Variants in SERPINB5 observed in about 807,000 individuals in gnomAD.
SERPINB5 encodes serpin family B member 5, also known as serpin B5.
SERPINB5 carries 27 observed loss-of-function variants against 32.2 expected under a neutral mutation model. The observed-to-expected ratio is 0.84, with a 90% CI of 0.62 to 1.16. SERPINB5 has a LOEUF of 1.16. Among genes scored for constraint, SERPINB5 ranks in the 50% most tolerant of loss-of-function variants. The probability of loss-of-function intolerance (pLI) is 0.00; values close to 1 mark genes in which losing one functional copy is unlikely to be tolerated. For missense variants in SERPINB5, 388 were observed against 436.3 expected, an observed-to-expected ratio of 0.89 and a Z score of 0.99; for synonymous variants, 154 against 157.4, an observed-to-expected ratio of 0.98 and a Z score of 0.16.
chr18:63,477,693 T>C (rs1917057079), intron 1 of SERPINB5, among the ~76,000 whole-genome samples: 1 of 152,250 alleles, frequency 6.6e-6, no homozygotes, highest in Non-Finnish European at 1.5e-5. Context: ...CTTGGACTTA[T>C]AAATTGTAAT....
At position 63,503,331 on chromosome 18, in the gene SERPINB5, T is replaced by C. The variant is rs894178598; in HGVS notation, c.737T>C (p.Ile246Thr). Residue 246 changes from isoleucine (I) to threonine (T), a missense_variant and splice_region_variant, in exon 7 of 7, where the codon ATT becomes ACT. Physicochemically the swap from Ile to Thr is moderately conservative, Grantham distance 89 (BLOSUM62 -1). Transcript: ENST00000382771. ...VEDESTGLEK[I>T]EKQLNSESLS... ...TTTCTTTTCATTTTTGTCCTTCAGATTGAAAAACAACTCAACTCAGAGTCA... is the reference window on the plus strand; with the variant it reads ...TTTCTTTTCATTTTTGTCCTTCAGACTGAAAAACAACTCAACTCAGAGTCA... 1.2e-6 allele frequency: 2 copies of C among 1,605,374 alleles called. No homozygotes were observed. The highest frequency in any genetic ancestry group is 8.5e-7 in the Non-Finnish European group (1 of 1,178,172).
chr18:63,504,027 G>A lies in SERPINB5; in HGVS notation c.*305G>A, dbSNP rs1909630006. 1.3e-5 allele frequency: 4 copies of A among 312,744 alleles called. No homozygotes were observed. The highest frequency in any genetic ancestry group is 5.8e-6 in the Non-Finnish European group (1 of 171,138). The allele number at this position is 312,744 out of a possible 1,614,324, so 19.4% of individuals were successfully genotyped here. On this transcript the variant is annotated 3_prime_UTR_variant, in exon 7 of 7. Coordinates refer to ENST00000382771, the MANE Select transcript of SERPINB5 (RefSeq NM_002639.5). ...GTCCGGGGTAGTTGGCAGAAATACA[G>A]TCTTCCACAAAGAAAATTCCTATAA...
rs1352082231 is a variant in SERPINB5 at position 63,498,854 on chromosome 18, T to C, written c.568-266T>C. On this transcript the variant is annotated intron_variant, in intron 5 of 6. Transcript: ENST00000382771. This position sits in a 1 kb window ranked among gnomAD's most constrained non-coding sequence, Gnocchi z 4.2. Reference sequence around the variant, plus strand: ...GGTATATATATATAGTATGTATATATAAGTGTGTATATATAGGTGTGTGTA... The same window carrying C: ...GGTATATATATATAGTATGTATATACAAGTGTGTATATATAGGTGTGTGTA... Among the ~76,000 whole-genome samples, 1 of 100,832 alleles carries C rather than the reference T, an allele frequency of 9.9e-6. No homozygotes were observed. The highest frequency in any genetic ancestry group is 2.5e-5 in the Non-Finnish European group (1 of 40,304). 66.1% of individuals were successfully genotyped at this position (100,832 alleles called of 152,430 possible). A position where few individuals can be genotyped will look rare whatever the true frequency, so the allele number is the denominator to read the frequency against.
chr18:63,503,844 C>T lies in SERPINB5; in HGVS notation c.*122C>T, dbSNP rs531499518. 49 of 1,007,960 alleles carry T rather than the reference C, an allele frequency of 4.9e-5. No homozygotes were observed. Among genetic ancestry groups the T allele is most frequent in the South Asian group, 3.0e-4 (20 of 66,374 alleles). 62.4% of individuals were successfully genotyped at this position (1,007,960 alleles called of 1,614,324 possible). On this transcript the variant is annotated 3_prime_UTR_variant, in exon 7 of 7. Coordinates refer to ENST00000382771, the MANE Select transcript of SERPINB5 (RefSeq NM_002639.5). ...TGCTAATGTTGCTGGATCAGGAAGC[C>T]GCCAGTACTTGTCATATGTAGCCTT...
chr18:63,480,013 G>A (rs1917100956), intron 1 of SERPINB5, among the ~76,000 whole-genome samples: 1 of 152,176 alleles, frequency 6.6e-6, no homozygotes, highest in Admixed American at 6.5e-5. Context: ...AGGTGTGGCG[G>A]GGAAGTGCCA....
intron 5 of SERPINB5, chr18:63,497,533 A>G (rs1909477898): frequency 4.6e-6 from 2 of 431,274 alleles, no homozygotes; most frequent in South Asian, 5.5e-5. Context: ...CATACAGTGG[A>G]GCTCAAAGGG....
At chr18:63,501,350 G>A (rs1411069262) in intron 6 of SERPINB5, among the ~76,000 whole-genome samples, 2 of 151,928 alleles carry the variant, frequency 1.3e-5, no homozygotes, top group African/African-American at 2.4e-5. Flanking sequence ...AGCTTCATCC[G>A]TGTCCCTACA....
chr18:63,498,234 C>T lies in SERPINB5; in HGVS notation c.568-886C>T, dbSNP rs933739196. ...TTTCCCAAGAAGCTGAGATTACAGG[C>T]GTGTGCCACCATGCCTGGCTGACTT... On this transcript the variant is annotated intron_variant, in intron 5 of 6. Transcript: ENST00000382771. This position sits in a 1 kb window ranked among gnomAD's most constrained non-coding sequence, Gnocchi z 4.2. 3.9e-5 allele frequency among the ~76,000 whole-genome samples: 6 copies of T among 152,102 alleles called. No homozygotes were observed. Among genetic ancestry groups the T allele is most frequent in the Non-Finnish European group, 7.3e-5 (5 of 68,030 alleles).
Position 63,498,981 on chromosome 18 carries a change from A to G in SERPINB5, c.568-139A>G, listed in dbSNP as rs969704011. On this transcript the variant is annotated intron_variant, in intron 5 of 6. Transcript: ENST00000382771. The surrounding 1 kb of genome is among the most constrained non-coding windows in gnomAD (Gnocchi z 4.2). Reference sequence around the variant, plus strand: ...TATCTGTATATATATAGGTGTAGGTATATATGTATGTGTGTCTGTATATAT... The same window carrying G: ...TATCTGTATATATATAGGTGTAGGTGTATATGTATGTGTGTCTGTATATAT... 64 of 365,328 alleles carry G rather than the reference A, an allele frequency of 1.8e-4. No homozygotes were observed. The highest frequency in any genetic ancestry group is 1.3e-3 in the African/African-American group (63 of 47,702). 22.6% of individuals were successfully genotyped at this position (365,328 alleles called of 1,614,324 possible).
intron 5 of SERPINB5, among the ~76,000 whole-genome samples, chr18:63,494,605 T>C (rs1303738684): frequency 6.6e-6 from 1 of 152,166 alleles, no homozygotes; most frequent in Admixed American, 6.6e-5. Context: ...CAATATCTTG[T>C]TTTTGCCAAA....
intron 5 of SERPINB5, among the ~76,000 whole-genome samples, chr18:63,496,489 C>T (rs543922973): frequency 6.6e-6 from 1 of 152,198 alleles, no homozygotes; most frequent in South Asian, 2.1e-4. Context: ...TGACTGTATT[C>T]TAGTTGGGGT....
Position 63,500,654 on chromosome 18 carries a change from T to G in SERPINB5, c.735+1367T>G, listed in dbSNP as rs578123695. Among the ~76,000 whole-genome samples, 3 of 152,220 alleles carry G rather than the reference T, an allele frequency of 2.0e-5. No individual in the cohort carries two copies. In the East Asian group the frequency reaches 5.8e-4, roughly 29 times the overall value. ...TGGCTGAGGCCTGTTCTCCCTTTAGTCCCTCCCTGGCTTCCATTCTAGCTC... is the reference window on the plus strand; with the variant it reads ...TGGCTGAGGCCTGTTCTCCCTTTAGGCCCTCCCTGGCTTCCATTCTAGCTC... On this transcript the variant is annotated intron_variant, in intron 6 of 6. Transcript: ENST00000382771.
chr18:63,489,605 C>G (rs75428306), intron 4 of SERPINB5, 141 bp downstream of exon 4: 11,989 of 601,892 alleles, frequency 0.02, 691 homozygotes, highest in East Asian at 0.12. Flanking sequence ...TCTTTCCCTT[C>G]AAGCCTGTAA....
intron 1 of SERPINB5, chr18:63,477,388 C>T (rs1372639296): frequency 6.6e-6 from 1 of 152,152 alleles, no homozygotes; most frequent in African/African-American, 2.4e-5. Context: ...AGGACATTTT[C>T]AGGCCTACTT....
chr18:63,503,603 C>T lies in SERPINB5; in HGVS notation c.1009C>T (p.Pro337Ser), dbSNP rs745698990. 1 of 1,614,220 alleles carries T rather than the reference C, an allele frequency of 6.2e-7. No homozygotes were observed. Among genetic ancestry groups the T allele is most frequent in the South Asian group, 1.1e-5 (1 of 91,086 alleles). The stretch of plus-strand genomic sequence containing the variant: ...AGATGGTGGGGATTCCATAGAGGTG[C>T]CAGGAGCACGGATCCTGCAGCACAA... ...TEDGGDSIEV[P>S]GARILQHKDE... Residue 337 changes from proline to serine, a missense_variant, in exon 7 of 7, where the codon CCA becomes TCA. Coordinates refer to ENST00000382771, the MANE Select transcript of SERPINB5 (RefSeq NM_002639.5).
intron 5 of SERPINB5, chr18:63,497,499 G>GGAAAAAAAAAAAAAAA (rs74169971): frequency 4.6e-6 from 1 of 217,030 alleles, no homozygotes; most frequent in African/African-American, 2.5e-5. Context: ...CAACGTTTCT[G>GGAAAAAAAAAAAAAAA]AAAAAAAAAA....
At chr18:63,496,569 C>G (rs1041130544) in intron 5 of SERPINB5, among the ~76,000 whole-genome samples, 5 of 152,040 alleles carry the variant, frequency 3.3e-5, no homozygotes, top group African/African-American at 1.2e-4. Flanking sequence ...GAGGTATATA[C>G]AAAAGTAAAA....
At chr18:63,499,980 C>G (rs980689694) in intron 6 of SERPINB5, among the ~76,000 whole-genome samples, 2 of 144,910 alleles carry the variant, frequency 1.4e-5, no homozygotes, top group African/African-American at 5.0e-5. Context: ...AATTGATGAG[C>G]CAATACTGAC....
chr18:63,504,980 T>C lies in SERPINB5; in HGVS notation c.*1258T>C, dbSNP rs1167298302. 1 of 152,174 alleles carries C rather than the reference T, an allele frequency of 6.6e-6. No individual in the cohort carries two copies. Among genetic ancestry groups the C allele is most frequent in the African/African-American group, 2.4e-5 (1 of 41,442 alleles). 9.4% of individuals were successfully genotyped at this position (152,174 alleles called of 1,614,324 possible). ...TTACCAAAAATTTTGTGACATTCCT[T>C]CTCCCATCTCTTCCTTGACCTGCAT... On this transcript the variant is annotated 3_prime_UTR_variant, in exon 7 of 7. Transcript: ENST00000382771.
Sources: gnomAD v4.1 joint callset for allele counts (sites outside exome capture counted in the v4.1 genomes callset) on GRCh38, gnomAD v4.1.1 for gene constraint, Gnocchi (gnomAD v3.1) non-coding constraint, MANE v1.5 for transcripts, NCBI Gene and HGNC (gene_info 2026-07-23, HGNC 2026-07-21) for gene names.